Variants in CYP27C1 observed in about 807,000 individuals in gnomAD.
The protein encoded by CYP27C1 is cytochrome P450 family 27 subfamily C member 1.
A neutral mutation model predicts 40.6 loss-of-function variants in CYP27C1; 29 were observed. That is an observed-to-expected ratio of 0.71 (90% CI 0.53 to 0.97). CYP27C1 has a LOEUF of 0.97. Among genes scored for constraint, CYP27C1 ranks in the 50% least tolerant of loss-of-function variants. CYP27C1 has a pLI of 0.00. For missense variants in CYP27C1, 390 were observed against 485.8 expected, an observed-to-expected ratio of 0.80 and a Z score of 1.85; for synonymous variants, 198 against 186.8, an observed-to-expected ratio of 1.06 and a Z score of -0.49.
At chr2:127,192,905 G>A (rs1682814523) in intron 8 of CYP27C1, among the ~76,000 whole-genome samples, 189 bp downstream of exon 8, 1 of 152,168 alleles carries the variant, frequency 6.6e-6, no homozygotes, top group Non-Finnish European at 1.5e-5. Context: ...TGAACTCCTG[G>A]GTTCAAGTGA....
chr2:127,194,217 G>T (rs1337601523), intron 6 of CYP27C1, among the ~76,000 whole-genome samples: 2 of 152,116 alleles, frequency 1.3e-5, no homozygotes, highest in Non-Finnish European at 2.9e-5. Flanking sequence ...AGGACTTAAG[G>T]CCCCATGAAA....
rs994143863 is a variant in CYP27C1 at position 127,199,546 on chromosome 2, G to A, written c.884-7C>T. On this transcript the variant is annotated splice_polypyrimidine_tract_variant and splice_region_variant and intron_variant, in intron 4 of 8. Transcript: ENST00000664447. ...TTGTCAACATGAATTTGGCCTGTTT[G>A]AAAACAGTATTTCTTTTGAAAGGAG... 20 of 1,609,276 alleles carry A rather than the reference G, an allele frequency of 1.2e-5. No individual in the cohort carries two copies. The highest frequency in any genetic ancestry group is 1.2e-4 in the African/African-American group (9 of 74,798).
chr2:127,186,972 A>C lies in CYP27C1; in HGVS notation c.*299T>G. The C allele has an allele frequency of 3.5e-6, 1 of 282,386 alleles. No homozygotes were observed. The highest frequency in any genetic ancestry group is 6.7e-6 in the Non-Finnish European group (1 of 148,236). The allele number at this position is 282,386 out of a possible 1,614,324, so 17.5% of individuals were successfully genotyped here. A position where few individuals can be genotyped will look rare whatever the true frequency, so the allele number is the denominator to read the frequency against. ...ACAAGTAAATGCACAGGATACTGCC[A>C]GTCATTAAATATTGAGTCTAGCACA... On this transcript the variant is annotated 3_prime_UTR_variant, in exon 9 of 9. Coordinates refer to ENST00000664447, the MANE Select transcript of CYP27C1 (RefSeq NM_001367502.1). The surrounding 1 kb of genome is among the most constrained non-coding windows in gnomAD (Gnocchi z 4.5).
intron 7 of CYP27C1, 129 bp from the exon 8 acceptor site, chr2:127,193,426 AC>A: frequency 9.9e-7 from 1 of 1,008,348 alleles, no homozygotes; most frequent in Non-Finnish European, 1.5e-6. Flanking sequence ...GTCCACTCAC[AC>A]CCAGGATGGC....
intron 1 of CYP27C1, among the ~76,000 whole-genome samples, chr2:127,215,600 T>C (rs1291598414): frequency 6.6e-6 from 1 of 152,142 alleles, no homozygotes; most frequent in Non-Finnish European, 1.5e-5. Context: ...CCGGCCATAA[T>C]GGCTCAGGCA....
Position 127,195,212 on chromosome 2 carries a change from AAC to A in CYP27C1, c.1214+121_1214+122del, listed in dbSNP as rs1682874370. On this transcript the variant is annotated intron_variant, in intron 6 of 8. Coordinates refer to ENST00000664447, the MANE Select transcript of CYP27C1 (RefSeq NM_001367502.1). This position sits in a 1 kb window ranked among gnomAD's most constrained non-coding sequence, Gnocchi z 6.2. The stretch of plus-strand genomic sequence containing the variant: ...ATTCTGACAAGAGCAGAGAAAAAAT[AAC>A]AGTCACGAACATCCTCATCCTGAAC... 11 of 1,187,070 alleles carry A rather than the reference AAC, an allele frequency of 9.3e-6. No individual in the cohort carries two copies. The highest frequency in any genetic ancestry group is 1.2e-5 in the Non-Finnish European group (10 of 834,944). 73.5% of individuals were successfully genotyped at this position (1,187,070 alleles called of 1,614,324 possible). A position where few individuals can be genotyped will look rare whatever the true frequency, so the allele number is the denominator to read the frequency against.
chr2:127,201,334 A>T lies in CYP27C1; in HGVS notation c.674-3T>A. 6.2e-7 allele frequency: 1 copy of T among 1,610,376 alleles called. No homozygotes were observed. Among genetic ancestry groups the T allele is most frequent in the South Asian group, 1.1e-5 (1 of 90,688 alleles). ...CTCATAAAGGATGGTGGCCACTCCT[A>T]GACAGGAAAGAGAATTTGAAAACCC... On this transcript the variant is annotated splice_polypyrimidine_tract_variant and splice_region_variant and intron_variant, in intron 3 of 8. Transcript: ENST00000664447. This position sits in a 1 kb window ranked among gnomAD's most constrained non-coding sequence, Gnocchi z 6.0.
Position 127,219,599 on chromosome 2 carries a change from A to C in CYP27C1, c.282+390T>G, listed in dbSNP as rs1025836650. ...CTCCAGGGGACCCCTCCCTGCCGCC[A>C]CCTCCCGAGACACCCATTTCCCCCG... On this transcript the variant is annotated intron_variant, in intron 1 of 8. Coordinates refer to ENST00000664447, the MANE Select transcript of CYP27C1 (RefSeq NM_001367502.1). The surrounding 1 kb of genome is among the most constrained non-coding windows in gnomAD (Gnocchi z 8.7). Among the ~76,000 whole-genome samples, 25 of 112,522 alleles carry C rather than the reference A, an allele frequency of 2.2e-4. No individual in the cohort carries two copies. Among genetic ancestry groups the C allele is most frequent in the South Asian group, 6.3e-4 (2 of 3,158 alleles). The allele number at this position is 112,522 out of a possible 152,430, so 73.8% of individuals were successfully genotyped here. A position where few individuals can be genotyped will look rare whatever the true frequency, so the allele number is the denominator to read the frequency against.
At chr2:127,204,547 GAGAGAGAGAGAAAGAAAGAAAGAA>G (rs1402043361) in intron 2 of CYP27C1, among the ~76,000 whole-genome samples, 1 of 64,852 alleles carries the variant, frequency 1.5e-5, no homozygotes. Flanking sequence ...GAGAGAGAGA[GAGAGAGAGAGAAAGAAAGAAAGAA>G]AGAAAGAAAG....
chr2:127,188,778 C>T (rs1444514850), intron 8 of CYP27C1, among the ~76,000 whole-genome samples: 2 of 152,274 alleles, frequency 1.3e-5, no homozygotes, highest in East Asian at 1.9e-4. Context: ...ATCCATCACC[C>T]TAAAGCGATT....
intron 5 of CYP27C1, among the ~76,000 whole-genome samples, chr2:127,198,449 CAGGA>C (rs1682955749): frequency 6.6e-6 from 1 of 152,058 alleles, no homozygotes; most frequent in South Asian, 2.1e-4. Flanking sequence ...GTTTACAAAT[CAGGA>C]ATGATTTGTA....
intron 2 of CYP27C1, 169 bp downstream of exon 2, chr2:127,205,731 C>G (rs1346191897): frequency 2.0e-6 from 2 of 985,418 alleles, no homozygotes; most frequent in South Asian, 9.4e-5. Flanking sequence ...GAAAGCCCAG[C>G]AGGGCTCTCA....
intron 8 of CYP27C1, among the ~76,000 whole-genome samples, chr2:127,188,152 G>A (rs1368704119): frequency 6.6e-6 from 1 of 152,158 alleles, no homozygotes; most frequent in Non-Finnish European, 1.5e-5. Context: ...TTTGGAAAGG[G>A]CAGGGGGCAG....
At position 127,195,301 on chromosome 2, in the gene CYP27C1, A is replaced by G. The variant is rs1442280056; in HGVS notation, c.1214+34T>C. On this transcript the variant is annotated intron_variant, in intron 6 of 8. Coordinates refer to ENST00000664447, the MANE Select transcript of CYP27C1 (RefSeq NM_001367502.1). The surrounding 1 kb of genome is among the most constrained non-coding windows in gnomAD (Gnocchi z 6.2). ...ATAGAGAACCAGGGACCTAAGGGACACAGTTTGTTGACGGATTCTGGCGAG... is the reference window on the plus strand; with the variant it reads ...ATAGAGAACCAGGGACCTAAGGGACGCAGTTTGTTGACGGATTCTGGCGAG... 1 of 1,613,386 alleles carries G rather than the reference A, an allele frequency of 6.2e-7. No individual in the cohort carries two copies. Among genetic ancestry groups the G allele is most frequent in the African/African-American group, 1.3e-5 (1 of 74,914 alleles).
At chr2:127,204,555 G>GAAAAAGAA (rs1490579476) in intron 2 of CYP27C1, among the ~76,000 whole-genome samples, 3 of 39,152 alleles carry the variant, frequency 7.7e-5, no homozygotes, top group African/African-American at 2.9e-4. Flanking sequence ...GAGAGAGAGA[G>GAAAAAGAA]AGAAAGAAAG....
rs1682915713 is a variant in CYP27C1, at chr2:127,196,894, G to GTTTCA, written c.1048-1394_1048-1393insTGAAA. 2.0e-5 allele frequency among the ~76,000 whole-genome samples: 3 copies of GTTTCA among 152,276 alleles called. No individual in the cohort carries two copies. The South Asian group carries it at 6.2e-4, about 32-fold the overall frequency. On this transcript the variant is annotated intron_variant, in intron 5 of 8. Transcript: ENST00000664447. The surrounding 1 kb of genome is among the most constrained non-coding windows in gnomAD (Gnocchi z 4.5). ...TCTCATCAATGTTTAGAAAAATGTG[G>GTTTCA]CAGTGGTTTCATAAATGATTCCATC...
At chr2:127,202,387 A>G (rs890866651) in intron 3 of CYP27C1, among the ~76,000 whole-genome samples, 4 of 152,164 alleles carry the variant, frequency 2.6e-5, no homozygotes, top group Admixed American at 6.5e-5. Flanking sequence ...CGGCCTCCCA[A>G]AGTGCTGGGA....
chr2:127,187,173 G>A lies in CYP27C1; in HGVS notation c.*98C>T, dbSNP rs1400232148. 4.1e-6 allele frequency: 4 copies of A among 984,838 alleles called. No individual in the cohort carries two copies. The highest frequency in any genetic ancestry group is 1.4e-5 in the South Asian group (1 of 70,700). 61.0% of individuals were successfully genotyped at this position (984,838 alleles called of 1,614,324 possible). ...AGTCTATAACAAGACAGCCTTTAGC[G>A]ACATCGCTTTCCTTCTCCACGGTGA... On this transcript the variant is annotated 3_prime_UTR_variant, in exon 9 of 9. Coordinates refer to ENST00000664447, the MANE Select transcript of CYP27C1 (RefSeq NM_001367502.1).
rs1388041049 is a variant in CYP27C1, at chr2:127,193,864, C to T, written c.1218G>A (p.Leu406=). 6.2e-7 allele frequency: 1 copy of T among 1,614,098 alleles called. No homozygotes were observed. Among genetic ancestry groups the T allele is most frequent in the East Asian group, 2.2e-5 (1 of 44,896 alleles). ...GGCCGTTCCCTGGCAGCACTGGAAA[C>T]AGCCTGGAAAAGAGCCAGCGGGGAC... The part of the protein sequence containing the change: ...VRALLKETLR[L]FPVLPGNGRV... Residue 406 remains leucine (L), a synonymous_variant, in exon 7 of 9, where the codon CTG becomes CTA. Coordinates refer to ENST00000664447, the MANE Select transcript of CYP27C1 (RefSeq NM_001367502.1).
Sources: gnomAD v4.1 joint callset for allele counts (sites outside exome capture counted in the v4.1 genomes callset) on GRCh38, gnomAD v4.1.1 for gene constraint, Gnocchi (gnomAD v3.1) non-coding constraint, MANE v1.5 for transcripts, NCBI Gene and HGNC (gene_info 2026-07-23, HGNC 2026-07-21) for gene names.